RALYL: variants seen among roughly 807,000 people sequenced by gnomAD.
The protein encoded by RALYL is RALY RNA binding protein like, also known as RNA-binding Raly-like protein.
Under a neutral mutation model 35.1 loss-of-function variants are expected in RALYL, and 29 were observed. The observed-to-expected ratio is 0.83, with a 90% confidence interval of 0.61 to 1.13. The LOEUF is 1.13. Ranked by LOEUF, RALYL falls within the 50% of genes most tolerant of loss-of-function variation. The pLI, the probability that RALYL is intolerant of heterozygous loss-of-function variation, is 0.00. For missense variants in RALYL, 359 were observed against 360.4 expected, an observed-to-expected ratio of 1.00 and a Z score of 0.03; for synonymous variants, 120 against 127.6, an observed-to-expected ratio of 0.94 and a Z score of 0.40.
At chr8:84,321,376 C>T (rs1447904322) in intron 1 of RALYL, among the ~76,000 whole-genome samples, 1 of 152,024 alleles carries the variant, frequency 6.6e-6, no homozygotes, top group East Asian at 1.9e-4. Flanking sequence ...ATGGGCTAAT[C>T]CAGAGAGCCA....
At chr8:84,669,495 C>A (rs866999834) in intron 2 of RALYL, among the ~76,000 whole-genome samples, 1 of 77,210 alleles carries the variant, frequency 1.3e-5, no homozygotes, top group Non-Finnish European at 2.6e-5. Flanking sequence ...CCTCCCCCCC[C>A]CCCCACTCTA....
intron 1 of RALYL, among the ~76,000 whole-genome samples, chr8:84,479,044 C>T (rs1386874860): frequency 8.2e-6 from 1 of 122,438 alleles, no homozygotes; most frequent in Non-Finnish European, 1.6e-5. Flanking sequence ...CGAGATTGCA[C>T]CACTGCACTC....
At chr8:84,814,000 C>CTTGGT (rs1259309551) in intron 4 of RALYL, among the ~76,000 whole-genome samples, 1 of 150,866 alleles carries the variant, frequency 6.6e-6, no homozygotes, top group East Asian at 2.0e-4. Flanking sequence ...ACATGCAGTG[C>CTTGGT]TTGGTTTTTT....
At chr8:84,653,548 T>A (rs1176301813) in intron 2 of RALYL, among the ~76,000 whole-genome samples, 1 of 152,022 alleles carries the variant, frequency 6.6e-6, no homozygotes, top group Non-Finnish European at 1.5e-5. Flanking sequence ...TCCCTCTCAT[T>A]TCCCAATGGC....
intron 4 of RALYL, among the ~76,000 whole-genome samples, chr8:84,810,225 T>TTAA (rs1348595553): frequency 3.9e-5 from 6 of 152,176 alleles, no homozygotes; most frequent in African/African-American, 1.4e-4. Flanking sequence ...AATTTCCATC[T>TTAA]TAATTTTGTT....
intron 4 of RALYL, among the ~76,000 whole-genome samples, chr8:84,817,577 A>T (rs1350721566): frequency 6.7e-6 from 1 of 149,030 alleles, no homozygotes; most frequent in African/African-American, 2.5e-5. Context: ...TTCTTTTGAG[A>T]CAGGGTCTTA....
At chr8:84,641,471 A>G (rs1256214951) in intron 2 of RALYL, among the ~76,000 whole-genome samples, 1 of 151,830 alleles carries the variant, frequency 6.6e-6, no homozygotes, top group African/African-American at 2.4e-5. Context: ...TGACTGAGAC[A>G]TCCAAGGAGC....
intron 3 of RALYL, among the ~76,000 whole-genome samples, chr8:84,790,250 G>A (rs1820461208): frequency 6.6e-6 from 1 of 152,238 alleles, no homozygotes; most frequent in Non-Finnish European, 1.5e-5. Flanking sequence ...TAGAACTTAA[G>A]AGCCAAGACA....
chr8:84,613,312 C>A (rs1449667094), intron 2 of RALYL, among the ~76,000 whole-genome samples: 2 of 151,460 alleles, frequency 1.3e-5, no homozygotes, highest in Admixed American at 6.6e-5. Flanking sequence ...GAAATAAACA[C>A]CCTTGAACTT....
intron 2 of RALYL, among the ~76,000 whole-genome samples, chr8:84,683,767 AC>A (rs1209283990): frequency 6.6e-6 from 1 of 151,906 alleles, no homozygotes; most frequent in Non-Finnish European, 1.5e-5. Context: ...GTTCACTGCA[AC>A]CTCCGCCTCC....
Position 84,534,555 on chromosome 8 carries a change from T to A in RALYL, c.256+4978T>A, listed in dbSNP as rs550164468. On this transcript the variant is annotated intron_variant, in intron 2 of 8. Transcript: ENST00000521268. ...TAGCACCTAACAAAATGCTAACACTTCCATGGCAAATGCTCAGTGAGGATG... is the reference window on the plus strand; with the variant it reads ...TAGCACCTAACAAAATGCTAACACTACCATGGCAAATGCTCAGTGAGGATG... Among the ~76,000 whole-genome samples, 3 of 152,310 alleles carry A rather than the reference T, an allele frequency of 2.0e-5. No individual in the cohort carries two copies. In the South Asian group the frequency reaches 6.2e-4, roughly 32 times the overall value.
chr8:84,220,857 A>G (rs1045261084), intron 1 of RALYL, among the ~76,000 whole-genome samples: 4 of 151,942 alleles, frequency 2.6e-5, no homozygotes, highest in African/African-American at 9.7e-5. Flanking sequence ...TAAAATTTTT[A>G]TCATATATAT....
chr8:84,473,274 C>A (rs2053006794), intron 1 of RALYL, among the ~76,000 whole-genome samples: 1 of 151,592 alleles, frequency 6.6e-6, no homozygotes. Flanking sequence ...GTTTTACATT[C>A]ATCAGATAAT....
chr8:84,207,906 A>G (rs1157512627), intron 1 of RALYL, among the ~76,000 whole-genome samples: 4 of 152,008 alleles, frequency 2.6e-5, no homozygotes, highest in Non-Finnish European at 5.9e-5. Context: ...TTAGGGAAAA[A>G]AAGTTTCATC....
intron 1 of RALYL, among the ~76,000 whole-genome samples, chr8:84,327,022 A>G (rs565631416): frequency 1.3e-5 from 2 of 152,304 alleles, no homozygotes; most frequent in South Asian, 4.2e-4. Context: ...TCCTATTCCA[A>G]AAACACTTGG....
intron 2 of RALYL, among the ~76,000 whole-genome samples, chr8:84,689,077 T>G (rs1261590967): frequency 3.3e-5 from 5 of 152,070 alleles, no homozygotes; most frequent in African/African-American, 1.2e-4. Flanking sequence ...TTTCTTTTTT[T>G]TTTTAAATTT....
intron 1 of RALYL, among the ~76,000 whole-genome samples, chr8:84,208,295 C>T (rs1173839471): frequency 6.6e-6 from 1 of 152,078 alleles, no homozygotes; most frequent in Non-Finnish European, 1.5e-5. Context: ...GACAAACTAC[C>T]ATTTTTCTCT....
intron 2 of RALYL, among the ~76,000 whole-genome samples, chr8:84,756,562 A>AAC (rs778920660): frequency 6.6e-6 from 1 of 152,136 alleles, no homozygotes; most frequent in African/African-American, 2.4e-5. Context: ...ACCCACTAGT[A>AAC]ACACACACAC....
At chr8:84,387,125 A>C (rs1258128021) in intron 1 of RALYL, among the ~76,000 whole-genome samples, 3 of 151,996 alleles carry the variant, frequency 2.0e-5, no homozygotes, top group Admixed American at 2.0e-4. Context: ...GATTAGAGGT[A>C]ATGTATGTAA....
Sources: allele counts gnomAD v4.1 joint callset (sites outside exome capture counted in the v4.1 genomes callset), GRCh38; gene constraint gnomAD v4.1.1; transcripts MANE v1.5; gene names NCBI Gene and HGNC (gene_info 2026-07-23, HGNC 2026-07-21).